Variants in SYNE2 observed in about 807,000 individuals in gnomAD.
SYNE2 encodes spectrin repeat containing nuclear envelope protein 2.
Under a neutral mutation model 856.3 loss-of-function variants are expected in SYNE2, and 431 were observed. The ratio of observed to expected loss-of-function variants is 0.50; its 90% CI spans 0.47 to 0.55. The LOEUF (loss-of-function observed/expected upper bound fraction) is 0.55, where lower values mean the gene tolerates loss of function less well. Ranked by LOEUF, SYNE2 falls within the 20% of genes least tolerant of loss-of-function variation. SYNE2 has a pLI of 0.00. For missense variants in SYNE2, 8,129 were observed against 8,023.2 expected, an observed-to-expected ratio of 1.01 and a Z score of -0.50; for synonymous variants, 2,923 against 2,872.3, an observed-to-expected ratio of 1.02 and a Z score of -0.56.
At chr14:63,846,072 A>G (rs558155414) in intron 1 of SYNE2, among the ~76,000 whole-genome samples, 4 of 143,110 alleles carry the variant, frequency 2.8e-5, no homozygotes, top group Non-Finnish European at 6.1e-5. Context: ...CTCTTGAGAC[A>G]AGGTTCTGGC....
At chr14:63,862,823 G>A (rs1428697558) in intron 1 of SYNE2, among the ~76,000 whole-genome samples, 1 of 151,486 alleles carries the variant, frequency 6.6e-6, no homozygotes, top group Non-Finnish European at 1.5e-5. Context: ...TTTGGAGACA[G>A]AGTCTCACTC....
At chr14:64,202,219 G>T (rs897471142) in intron 99 of SYNE2, 2 of 702,358 alleles carry the variant, frequency 2.8e-6, no homozygotes, top group South Asian at 1.5e-5. Flanking sequence ...CTACCCGCAT[G>T]GGCTGGTTCA....
Position 64,133,632 on chromosome 14 carries a change from C to T in SYNE2, c.14515-437C>T, listed in dbSNP as rs1232842052. 2.0e-5 allele frequency among the ~76,000 whole-genome samples: 3 copies of T among 152,104 alleles called. No individual in the cohort carries two copies. The East Asian group carries it at 5.8e-4, about 29-fold the overall frequency. On this transcript the variant is annotated intron_variant, in intron 77 of 115. Coordinates refer to ENST00000555002, the MANE Select transcript of SYNE2 (RefSeq NM_182914.3). ...GCAAGTGGCATGGGGGTTTGGTGGG[C>T]TTGGGCGTGGGCTTGGAGAGCAGGA...
chr14:63,963,872 GT>G (rs751025001), intron 9 of SYNE2, 26 bp from the exon 10 acceptor site: 3 of 1,552,414 alleles, frequency 1.9e-6, no homozygotes, highest in African/African-American at 2.7e-5. Flanking sequence ...TTAAAATATA[GT>G]TTAATTTTGT....
At position 63,915,732 on chromosome 14, in the gene SYNE2, C is replaced by T. The variant is rs978939139; in HGVS notation, c.79+6505C>T. Among the ~76,000 whole-genome samples, 4 of 152,226 alleles carry T rather than the reference C, an allele frequency of 2.6e-5. No homozygotes were observed. In the East Asian group the frequency reaches 5.8e-4, roughly 22 times the overall value. ...TGACATATTTTAAAAGATTAAAAAA[C>T]CCTCTGTGTCTTCTCGGTAGGTATC... is the stretch of plus-strand genomic sequence containing the variant. On this transcript the variant is annotated intron_variant, in intron 2 of 115. Transcript: ENST00000555002.
chr14:64,219,794 T>G (rs1214002333), intron 110 of SYNE2, among the ~76,000 whole-genome samples: 1 of 152,222 alleles, frequency 6.6e-6, no homozygotes, highest in Non-Finnish European at 1.5e-5. Context: ...GGTGGAATCT[T>G]CCTTGAAAGG....
chr14:63,890,243 A>C (rs2095100201), intron 1 of SYNE2, among the ~76,000 whole-genome samples: 1 of 151,428 alleles, frequency 6.6e-6, no homozygotes, highest in Non-Finnish European at 1.5e-5. Flanking sequence ...TTATATTTTT[A>C]GTAGAGACAG....
At chr14:63,869,611 G>A (rs1422894506) in intron 1 of SYNE2, among the ~76,000 whole-genome samples, 1 of 140,008 alleles carries the variant, frequency 7.1e-6, no homozygotes, top group Non-Finnish European at 1.5e-5. Flanking sequence ...ACTTGAGCCT[G>A]GGCAACAAGA....
rs570544293 is a variant in SYNE2 at position 64,107,934 on chromosome 14, G to T, written c.12609+327G>T. 2.3e-4 allele frequency among the ~76,000 whole-genome samples: 35 copies of T among 152,306 alleles called. No homozygotes were observed. The South Asian group carries it at 4.4e-3, about 19-fold the overall frequency. Reference sequence around the variant, plus strand: ...AAGAAAGTAGAGAAGGGTTAATATTGATTAATAGCCTGTTACATAAAAGGC... The same window carrying T: ...AAGAAAGTAGAGAAGGGTTAATATTTATTAATAGCCTGTTACATAAAAGGC... On this transcript the variant is annotated intron_variant, in intron 65 of 115. Coordinates refer to ENST00000555002, the MANE Select transcript of SYNE2 (RefSeq NM_182914.3).
At chr14:64,098,652 T>C (rs2097696561) in intron 62 of SYNE2, 95 bp from the exon 63 acceptor site, 2 of 1,322,584 alleles carry the variant, frequency 1.5e-6, no homozygotes, top group Non-Finnish European at 2.1e-6. Flanking sequence ...ATAAAGTAAG[T>C]AAAAAATTAG....
intron 1 of SYNE2, among the ~76,000 whole-genome samples, chr14:63,808,166 G>A (rs375909867): frequency 2.6e-5 from 4 of 151,578 alleles, no homozygotes; most frequent in Non-Finnish European, 5.9e-5. Flanking sequence ...GGGCTCAAGC[G>A]ATTCCCCTGC....
intron 23 of SYNE2, 21 bp from the exon 24 acceptor site, chr14:63,996,926 C>G (rs1227061050): frequency 4.3e-6 from 7 of 1,610,094 alleles, no homozygotes; most frequent in Non-Finnish European, 5.9e-6. Flanking sequence ...AGCACATTTC[C>G]TGCTTTATTT....
chr14:64,021,588 G>C, intron 36 of SYNE2, 73 bp downstream of exon 36: 2 of 1,559,588 alleles, frequency 1.3e-6, no homozygotes, highest in Non-Finnish European at 1.8e-6. Flanking sequence ...TGAGCTCTTA[G>C]AGTTAATAAA....
At chr14:64,138,169 G>A (rs1272509976) in intron 79 of SYNE2, among the ~76,000 whole-genome samples, 186 bp downstream of exon 79, 1 of 152,132 alleles carries the variant, frequency 6.6e-6, no homozygotes, top group Non-Finnish European at 1.5e-5. Flanking sequence ...GCTAGACACA[G>A]TATAACATGT....
intron 6 of SYNE2, among the ~76,000 whole-genome samples, chr14:63,943,631 G>T (rs957785401): frequency 6.6e-6 from 1 of 151,054 alleles, no homozygotes; most frequent in Non-Finnish European, 1.5e-5. Context: ...GGCTTAAATT[G>T]TATCTGTGTT....
Position 64,052,236 on chromosome 14 carries a change from A to G in SYNE2, c.8323A>G (p.Ile2775Val). Residue 2775 changes from isoleucine to valine, a missense_variant, in exon 48 of 116, where the codon ATT (isoleucine) becomes GTT (valine). Coordinates refer to ENST00000555002, the MANE Select transcript of SYNE2 (RefSeq NM_182914.3). ...AAAGTGCAAAGTGACACATGATGGC[A>G]TTCTAGCTAGGCAGCAGTCTGTGGA... ...IRKCKVTHDG[I>V]LARQQSVESL... 6.2e-7 allele frequency: 1 copy of G among 1,614,224 alleles called. No individual in the cohort carries two copies. Among genetic ancestry groups the G allele is most frequent in the Non-Finnish European group, 8.5e-7 (1 of 1,180,042 alleles).
intron 1 of SYNE2, among the ~76,000 whole-genome samples, chr14:63,762,603 T>C (rs1449071675): frequency 5.3e-5 from 8 of 151,166 alleles, no homozygotes; most frequent in African/African-American, 1.5e-4. Flanking sequence ...TTCTTTTTTT[T>C]TTTTTTTTAA....
Position 64,163,499 on chromosome 14 carries a change from T to G in SYNE2, c.16397T>G (p.Met5466Arg), listed in dbSNP as rs2098344809. Residue 5466 changes from methionine to arginine, a missense_variant, in exon 89 of 116, where the codon ATG (methionine) becomes AGG (arginine). This residue lies in a region of SYNE2 where 5,410 missense variants were observed against 5,284.8 expected (regional missense o/e 1.02). Coordinates refer to ENST00000555002, the MANE Select transcript of SYNE2 (RefSeq NM_182914.3). Reference sequence around the variant, plus strand: ...CAACCCGCAGAGTCCAGCACCCACATGCTCCTCCCGGGCCCCCTGCACTCT... The same window carrying G: ...CAACCCGCAGAGTCCAGCACCCACAGGCTCCTCCCGGGCCCCCTGCACTCT... ...LPQPAESSTH[M>R]LLPGPLHSLQ... is the part of the protein sequence containing the mutation. 1 of 1,614,056 alleles carries G rather than the reference T, an allele frequency of 6.2e-7. No individual in the cohort carries two copies. Among genetic ancestry groups the G allele is most frequent in the African/African-American group, 1.3e-5 (1 of 74,926 alleles).
chr14:64,031,139 C>A lies in SYNE2; in HGVS notation c.7003C>A (p.Leu2335Ile). 6.2e-7 allele frequency: 1 copy of A among 1,614,128 alleles called. No individual in the cohort carries two copies. The highest frequency in any genetic ancestry group is 8.5e-7 in the Non-Finnish European group (1 of 1,179,992). ...QKIIKDDIKS[L>I]QCKQKDLENR... Reference sequence around the variant, plus strand: ...GATTATTAAAGATGATATAAAATCACTTCAGTGTAAACAAAAAGATTTGGA... The same window carrying A: ...GATTATTAAAGATGATATAAAATCAATTCAGTGTAAACAAAAAGATTTGGA... The change falls in exon 45 of 116, where the codon CTT (leucine) becomes ATT (isoleucine). Residue 2335 changes from leucine (L) to isoleucine (I), a missense_variant. Physicochemically the swap from Leu to Ile is conservative, Grantham distance 5. Coordinates refer to ENST00000555002, the MANE Select transcript of SYNE2 (RefSeq NM_182914.3).
Sources: allele counts gnomAD v4.1 joint callset (sites outside exome capture counted in the v4.1 genomes callset), GRCh38; gene constraint gnomAD v4.1.1; regional missense constraint gnomAD v4.1.1; transcripts MANE v1.5; gene names NCBI Gene and HGNC (gene_info 2026-07-23, HGNC 2026-07-21).